The following THADA variants were observed in gnomAD, a reference collection of about 807,000 sequenced individuals.
THADA encodes THADA armadillo repeat containing.
Under a neutral mutation model 219.8 loss-of-function variants are expected in THADA, and 213 were observed. The ratio of observed to expected loss-of-function variants is 0.97; its 90% CI spans 0.87 to 1.09. The LOEUF (loss-of-function observed/expected upper bound fraction) is 1.09. Among genes scored for constraint, THADA ranks in the 50% least tolerant of loss-of-function variants. THADA has a pLI of 0.00. For synonymous variants in THADA, 1,018 were observed against 828.9 expected (o/e 1.23, Z -3.92); for missense variants, 2,956 against 2,311.3 (o/e 1.28, Z -5.72).
At chr2:43,337,238 T>C (rs1225509881) in intron 30 of THADA, among the ~76,000 whole-genome samples, 1 of 152,108 alleles carries the variant, frequency 6.6e-6, no homozygotes, top group Non-Finnish European at 1.5e-5. Context: ...AACAAAATGC[T>C]AACGCAGGGC....
intron 28 of THADA, among the ~76,000 whole-genome samples, chr2:43,418,022 G>T (rs1310624874): frequency 6.6e-6 from 1 of 152,104 alleles, no homozygotes; most frequent in Non-Finnish European, 1.5e-5. Flanking sequence ...AAAAATAGGA[G>T]CAAAGAAGAG....
rs769118323 is a variant in THADA, at chr2:43,279,876, G to C, written c.5185C>G (p.Leu1729Val). Residue 1729 changes from leucine to valine, a missense_variant, in exon 36 of 38, where the codon CTC becomes GTC. Physicochemically the swap from Leu to Val is conservative, Grantham distance 32. Transcript: ENST00000405975. ...AGAAGGGTAAGGACACACTTCCAGA[G>C]AGCAAGTGTATCCTGCAACTCTAAG... ...PILELQDTLA[L>V]WKCVLTLLQS... The C allele has an allele frequency of 2.6e-6, 4 of 1,551,244 alleles. No individual in the cohort carries two copies. The highest frequency in any genetic ancestry group is 2.4e-5 in the East Asian group (1 of 42,200).
intron 26 of THADA, chr2:43,430,737 G>T (rs1558748916): frequency 1.8e-5 from 8 of 444,506 alleles, no homozygotes; most frequent in Non-Finnish European, 3.6e-5. Context: ...ATAACTCTTT[G>T]TTTCAGGGGA....
chr2:43,279,902 A>G lies in THADA; in HGVS notation c.5165-6T>C. On this transcript the variant is annotated splice_polypyrimidine_tract_variant and splice_region_variant and intron_variant, in intron 35 of 37. Transcript: ENST00000405975. ...AGCAAGTGTATCCTGCAACTCTAAG[A>G]AGACCAAAAGGAATCTGAATTACCT... is the stretch of plus-strand genomic sequence containing the variant. 6 of 1,513,312 alleles carry G rather than the reference A, an allele frequency of 4.0e-6. No homozygotes were observed. Among genetic ancestry groups the G allele is most frequent in the Non-Finnish European group, 5.3e-6 (6 of 1,136,926 alleles). The allele number at this position is 1,513,312 out of a possible 1,614,324, so 93.7% of individuals were successfully genotyped here. A position where few individuals can be genotyped will look rare whatever the true frequency, so the allele number is the denominator to read the frequency against.
intron 30 of THADA, among the ~76,000 whole-genome samples, chr2:43,326,451 G>C (rs114872876): frequency 0.013 from 1,905 of 152,288 alleles, 45 homozygotes; most frequent in African/African-American, 0.044. Flanking sequence ...GGCGGGAATT[G>C]GAATGGCAGA....
intron 22 of THADA, among the ~76,000 whole-genome samples, chr2:43,518,196 T>C (rs1197764165): frequency 1.3e-5 from 2 of 152,180 alleles, no homozygotes; most frequent in African/African-American, 4.8e-5. Context: ...TCAATAAATA[T>C]TTGTTGAATA....
At chr2:43,515,569 G>C (rs961468660) in intron 22 of THADA, among the ~76,000 whole-genome samples, 4 of 148,568 alleles carry the variant, frequency 2.7e-5, no homozygotes, top group Non-Finnish European at 5.9e-5. Context: ...CCTGGAAAAA[G>C]CATAGCAAAA....
chr2:43,365,109 G>A (rs1327351313), intron 29 of THADA, among the ~76,000 whole-genome samples: 1 of 151,886 alleles, frequency 6.6e-6, no homozygotes, highest in Non-Finnish European at 1.5e-5. Context: ...ATTTTTAGTA[G>A]AGATGGGGTT....
At chr2:43,276,398 A>C (rs1672730620) in intron 36 of THADA, among the ~76,000 whole-genome samples, 1 of 152,204 alleles carries the variant, frequency 6.6e-6, no homozygotes, top group Non-Finnish European at 1.5e-5. Flanking sequence ...AAAGGTGAAT[A>C]AGAAATCTGT....
intron 29 of THADA, among the ~76,000 whole-genome samples, chr2:43,371,764 T>C (rs991454071): frequency 6.6e-6 from 1 of 152,200 alleles, no homozygotes; most frequent in Non-Finnish European, 1.5e-5. Flanking sequence ...TGAATTACTT[T>C]GGTCTGTTTG....
intron 17 of THADA, among the ~76,000 whole-genome samples, chr2:43,553,740 C>G (rs1404551442): frequency 6.6e-6 from 1 of 152,150 alleles, no homozygotes; most frequent in African/African-American, 2.4e-5. Context: ...CACCAACAGT[C>G]TATGCGGGTT....
intron 29 of THADA, among the ~76,000 whole-genome samples, chr2:43,370,895 A>G (rs1461638070): frequency 6.6e-6 from 1 of 152,246 alleles, no homozygotes; most frequent in Non-Finnish European, 1.5e-5. Context: ...GATGTCAACT[A>G]ACAATAACAA....
At chr2:43,309,310 T>C (rs1387894816) in intron 31 of THADA, among the ~76,000 whole-genome samples, 1 of 152,200 alleles carries the variant, frequency 6.6e-6, no homozygotes, top group Non-Finnish European at 1.5e-5. Context: ...ACAATCCTTA[T>C]CATATGATCC....
At chr2:43,515,725 T>C (rs553456005) in intron 22 of THADA, among the ~76,000 whole-genome samples, 3 of 152,062 alleles carry the variant, frequency 2.0e-5, no homozygotes, top group South Asian at 2.1e-4. Context: ...TCCACCAGAA[T>C]TGTATACCCC....
intron 36 of THADA, among the ~76,000 whole-genome samples, chr2:43,252,652 T>C (rs1669920685): frequency 6.6e-6 from 1 of 152,182 alleles, no homozygotes; most frequent in Non-Finnish European, 1.5e-5. Context: ...TTGCCCTCTC[T>C]CCCAGGCTAT....
At chr2:43,299,830 C>G (rs1397321479) in intron 31 of THADA, among the ~76,000 whole-genome samples, 1 of 150,910 alleles carries the variant, frequency 6.6e-6, no homozygotes, top group Non-Finnish European at 1.5e-5. Context: ...AGCTTGAGAC[C>G]AGCCTGACCA....
intron 28 of THADA, among the ~76,000 whole-genome samples, chr2:43,399,872 CAAAAAACA>C (rs146368480): frequency 0.087 from 12,863 of 147,286 alleles, 591 homozygotes; most frequent in Non-Finnish European, 0.11. Context: ...TTCATTTGAC[CAAAAAACA>C]AAAAAACAAA....
chr2:43,494,538 T>C (rs1249172787), intron 25 of THADA, among the ~76,000 whole-genome samples: 3 of 152,198 alleles, frequency 2.0e-5, no homozygotes, highest in Non-Finnish European at 4.4e-5. Flanking sequence ...TAGTTTTGTG[T>C]CCTTAGGCAG....
intron 7 of THADA, among the ~76,000 whole-genome samples, chr2:43,582,569 CTTT>C (rs755116429): frequency 1.7e-5 from 2 of 119,392 alleles, no homozygotes. Context: ...CCCTCCCTGG[CTTT>C]TTTTTTTTTT....
Sources: allele counts gnomAD v4.1 joint callset (sites outside exome capture counted in the v4.1 genomes callset), GRCh38; gene constraint gnomAD v4.1.1; transcripts MANE v1.5; gene names NCBI Gene and HGNC (gene_info 2026-07-23, HGNC 2026-07-21).